ELK4: variants seen among roughly 807,000 people sequenced by gnomAD.
ELK4 encodes ETS domain-containing protein Elk-4.
Under a neutral mutation model 29.6 loss-of-function variants are expected in ELK4, and 16 were observed. The ratio of observed to expected loss-of-function variants is 0.54; its 90% confidence interval spans 0.37 to 0.82. The LOEUF is 0.82. Ranked by LOEUF, ELK4 falls within the 40% of genes least tolerant of loss-of-function variation. ELK4 has a pLI of 0.00. For missense variants in ELK4, 465 were observed against 507.1 expected (o/e 0.92, Z 0.80); for synonymous variants, 213 against 191.1 (o/e 1.11, Z -0.95).
At chr1:205,629,506 C>T (rs1298558736) in intron 1 of ELK4, among the ~76,000 whole-genome samples, 5 of 151,958 alleles carry the variant, frequency 3.3e-5, no homozygotes, top group Non-Finnish European at 7.4e-5. Flanking sequence ...CGCTTGAGGT[C>T]AGGGGTTCTA....
In ELK4 at chr1:205,631,745, C is replaced by T. The variant is rs767484646; in HGVS notation, c.-123G>A. On this transcript the variant is annotated 5_prime_UTR_variant, in exon 1 of 5. Coordinates refer to ENST00000357992, the MANE Select transcript of ELK4 (RefSeq NM_001973.4). The stretch of plus-strand genomic sequence containing the variant: ...GAGGACGGCGCGGCAGCCGCTGCGA[C>T]CCCCGCGGCGGAGCCGTAGAAGGCG... 7 of 303,020 alleles carry T rather than the reference C, an allele frequency of 2.3e-5. No individual in the cohort carries two copies. The highest frequency in any genetic ancestry group is 9.0e-5 in the African/African-American group (4 of 44,596). 18.8% of individuals were successfully genotyped at this position (303,020 alleles called of 1,614,324 possible). A position where few individuals can be genotyped will look rare whatever the true frequency, so the allele number is the denominator to read the frequency against.
rs1341063893 is a variant in ELK4 at position 205,614,636 on chromosome 1, T to TCTA, written c.*1907_*1909dup. On this transcript the variant is annotated 3_prime_UTR_variant, in exon 5 of 5. Transcript: ENST00000357992. ...AAGGCAGCTCACTGAATATGTTCCC[T>TCTA]CTACTACTACTAAGTTAGCTAGCAT... The TCTA allele has an allele frequency of 8.8e-6, 2 of 226,638 alleles. No homozygotes were observed. Among genetic ancestry groups the TCTA allele is most frequent in the Non-Finnish European group, 1.8e-5 (2 of 114,020 alleles). The allele number at this position is 226,638 out of a possible 1,614,324, so 14.0% of individuals were successfully genotyped here.
intron 1 of ELK4, chr1:205,625,691 T>C: frequency 1.2e-6 from 1 of 803,760 alleles, no homozygotes. Flanking sequence ...TTTTTTTTTT[T>C]TTTGTGAGAT....
intron 4 of ELK4, among the ~76,000 whole-genome samples, chr1:205,618,159 C>G (rs1334677800): frequency 6.6e-6 from 1 of 151,930 alleles, no homozygotes; most frequent in Non-Finnish European, 1.5e-5. Context: ...CCAAGTAGCT[C>G]TAGGGGCCAC....
intron 1 of ELK4, among the ~76,000 whole-genome samples, chr1:205,628,510 G>A (rs1015613156): frequency 6.6e-6 from 1 of 152,160 alleles, no homozygotes; most frequent in Non-Finnish European, 1.5e-5. Flanking sequence ...CAGATGTGGT[G>A]CCTATTATTC....
rs1341063893 is a variant in ELK4 at position 205,614,636 on chromosome 1, TCTACTA to T, written c.*1904_*1909del. 4.4e-6 allele frequency: 1 copy of T among 226,756 alleles called. No individual in the cohort carries two copies. The highest frequency in any genetic ancestry group is 6.4e-5 in the East Asian group (1 of 15,682). 14.0% of individuals were successfully genotyped at this position (226,756 alleles called of 1,614,324 possible). The stretch of plus-strand genomic sequence containing the variant: ...AAGGCAGCTCACTGAATATGTTCCC[TCTACTA>T]CTACTAAGTTAGCTAGCATAGATGT... On this transcript the variant is annotated 3_prime_UTR_variant, in exon 5 of 5. Transcript: ENST00000357992.
chr1:205,611,134 G>A lies in ELK4; in HGVS notation c.*5412C>T, dbSNP rs1670145264. ...TTTTCATATTTCACAATAAGTAAGT[G>A]TGGATGGCAGCACCTTAGAAATTGC... On this transcript the variant is annotated 3_prime_UTR_variant, in exon 5 of 5. Transcript: ENST00000357992. The A allele has an allele frequency of 9.3e-6, 2 of 214,912 alleles. No individual in the cohort carries two copies. The highest frequency in any genetic ancestry group is 4.5e-5 in the African/African-American group (2 of 44,376). 13.3% of individuals were successfully genotyped at this position (214,912 alleles called of 1,614,324 possible).
chr1:205,618,379 G>C (rs1670271773), intron 4 of ELK4, among the ~76,000 whole-genome samples: 1 of 151,878 alleles, frequency 6.6e-6, no homozygotes, highest in Non-Finnish European at 1.5e-5. Flanking sequence ...AAAACTTGGG[G>C]TAGGCTCTAA....
At chr1:205,623,653 T>C (rs990342782) in intron 2 of ELK4, 23 bp downstream of exon 2, 88 of 1,612,154 alleles carry the variant, frequency 5.5e-5, no homozygotes, top group Non-Finnish European at 7.4e-5. Context: ...CTCTGTATAG[T>C]ATAAGATCAG....
intron 1 of ELK4, among the ~76,000 whole-genome samples, chr1:205,627,935 G>C (rs188835148): frequency 6.6e-6 from 1 of 152,312 alleles, no homozygotes; most frequent in Admixed American, 6.5e-5. Context: ...CCCACAGTCA[G>C]AATTCATGGA....
chr1:205,617,653 G>A (rs1415352701), intron 4 of ELK4, among the ~76,000 whole-genome samples: 5 of 151,640 alleles, frequency 3.3e-5, no homozygotes, highest in Non-Finnish European at 7.4e-5. Flanking sequence ...TGTAATCCCA[G>A]CACTTCGGGA....
chr1:205,627,660 A>G (rs574567042), intron 1 of ELK4, among the ~76,000 whole-genome samples: 97 of 152,370 alleles, frequency 6.4e-4, no homozygotes, highest in African/African-American at 2.3e-3. Context: ...AACAAACACT[A>G]TAAAAGTTAG....
intron 2 of ELK4, among the ~76,000 whole-genome samples, chr1:205,622,128 C>T (rs1670364404): frequency 6.6e-6 from 1 of 151,984 alleles, no homozygotes; most frequent in Admixed American, 6.5e-5. Context: ...GCAGGTGAAT[C>T]ACTTGAACCT....
chr1:205,626,859 T>C (rs570501511), intron 1 of ELK4, among the ~76,000 whole-genome samples: 14 of 152,322 alleles, frequency 9.2e-5, no homozygotes, highest in African/African-American at 2.9e-4. Flanking sequence ...GGACTGTTCA[T>C]AGCAGAATTA....
chr1:205,622,250 T>C (rs115702342), intron 2 of ELK4, among the ~76,000 whole-genome samples: 6 of 152,038 alleles, frequency 3.9e-5, no homozygotes, highest in Non-Finnish European at 7.4e-5. Flanking sequence ...GAAATTAAGA[T>C]CTCAGCAATT....
At chr1:205,619,759 AT>A (rs1558020860) in intron 3 of ELK4, 1 of 1,501,618 alleles carries the variant, frequency 6.7e-7, no homozygotes, top group South Asian at 1.4e-5. Flanking sequence ...AGAACAATGA[AT>A]TTTTTAAGAA....
At chr1:205,622,964 CCCA>C (rs375833807) in intron 2 of ELK4, among the ~76,000 whole-genome samples, 47 of 151,946 alleles carry the variant, frequency 3.1e-4, no homozygotes, top group African/African-American at 1.1e-3. Context: ...ATGGTGAAAC[CCCA>C]CCTCTACTAA....
At chr1:205,625,631 C>G (rs1043341412) in intron 1 of ELK4, 4 of 1,253,512 alleles carry the variant, frequency 3.2e-6, no homozygotes, top group Non-Finnish European at 4.7e-6. Context: ...AAAAGAAATA[C>G]CTGGTGCCTT....
At chr1:205,621,193 TAAA>T (rs61338827) in intron 2 of ELK4, among the ~76,000 whole-genome samples, 2 of 77,450 alleles carry the variant, frequency 2.6e-5, no homozygotes, top group Admixed American at 1.6e-4. Flanking sequence ...GAGTCTGTCT[TAAA>T]AAAAAAAAAA....
Sources: gnomAD v4.1 joint callset for allele counts (sites outside exome capture counted in the v4.1 genomes callset) on GRCh38, gnomAD v4.1.1 for gene constraint, MANE v1.5 for transcripts, NCBI Gene and HGNC (gene_info 2026-07-23, HGNC 2026-07-21) for gene names.